The following ADIPOQ variants were observed in gnomAD, a reference collection of about 807,000 sequenced individuals.
ADIPOQ encodes adiponectin, C1Q and collagen domain containing.
Under a neutral mutation model 16.1 loss-of-function variants are expected in ADIPOQ, and 19 were observed. The observed-to-expected ratio is 1.18, with a 90% CI of 0.82 to 1.73. ADIPOQ has a LOEUF of 1.73. Ranked by LOEUF, ADIPOQ falls within the 40% of genes most tolerant of loss-of-function variation. ADIPOQ has a pLI of 0.00. For synonymous variants in ADIPOQ, 124 were observed against 125.5 expected, an observed-to-expected ratio of 0.99 and a Z score of 0.08; for missense variants, 323 against 308.3, an observed-to-expected ratio of 1.05 and a Z score of -0.36.
chr3:186,853,450 C>A (rs1348902188), intron 2 of ADIPOQ, among the ~76,000 whole-genome samples, 178 bp downstream of exon 2: 2 of 151,778 alleles, frequency 1.3e-5, no homozygotes, highest in African/African-American at 4.8e-5. Flanking sequence ...TAGATGGTGC[C>A]TCTATAACCA....
rs112364437 is a variant in ADIPOQ at position 186,844,046 on chromosome 3, G to A, written c.-9+1297G>A. On this transcript the variant is annotated intron_variant, in intron 1 of 2. Coordinates refer to ENST00000320741, the MANE Select transcript of ADIPOQ (RefSeq NM_004797.4). ...AAGGAAGGCCAGCTCTGCCTAATTC[G>A]GTTGGGGAGATGGGGGTCCCTTTAT... is the stretch of plus-strand genomic sequence containing the variant. Among the ~76,000 whole-genome samples, 13 of 152,306 alleles carry A rather than the reference G, an allele frequency of 8.5e-5. 1 individual carries two copies. Among genetic ancestry groups the A allele is most frequent in the African/African-American group, 2.6e-4 (11 of 41,562 alleles).
rs1711857007 is a variant in ADIPOQ, at chr3:186,853,270, C to T, written c.212C>T (p.Pro71Leu). The change falls in exon 2 of 3, where the codon CCA (proline) becomes CTA (leucine). Residue 71 changes from proline to leucine, a missense_variant and splice_region_variant. Physicochemically the swap from Pro to Leu is moderately conservative, Grantham distance 98. Transcript: ENST00000320741. ...TPGEKGEKGD[P>L]GLIGPKGDIG... ...GGTGAGAAGGGTGAGAAAGGAGATC[C>T]AGGTAAGAATGTTTCTGGCCTCTTT... is the stretch of plus-strand genomic sequence containing the variant. The T allele has an allele frequency of 1.3e-6, 2 of 1,593,966 alleles. No individual in the cohort carries two copies. Among genetic ancestry groups the T allele is most frequent in the Non-Finnish European group, 8.5e-7 (1 of 1,169,870 alleles).
At chr3:186,846,602 C>G (rs1163426052) in intron 1 of ADIPOQ, among the ~76,000 whole-genome samples, 1 of 152,038 alleles carries the variant, frequency 6.6e-6, no homozygotes, top group East Asian at 1.9e-4. Flanking sequence ...CTCTTTCCCC[C>G]ACACGGCTCT....
chr3:186,844,703 C>G (rs1217761755), intron 1 of ADIPOQ, among the ~76,000 whole-genome samples: 2 of 151,892 alleles, frequency 1.3e-5, no homozygotes, highest in Non-Finnish European at 2.9e-5. Flanking sequence ...GCAACCATGC[C>G]TGGCTAATTT....
chr3:186,843,081 G>A (rs754590990), intron 1 of ADIPOQ, among the ~76,000 whole-genome samples: 7 of 152,178 alleles, frequency 4.6e-5, no homozygotes, highest in African/African-American at 7.2e-5. Flanking sequence ...AGTCCAATTC[G>A]ATTAAGGGGG....
chr3:186,853,039 T>G lies in ADIPOQ; in HGVS notation c.-8-12T>G, dbSNP rs199668131. The G allele has an allele frequency of 1.8e-4, 288 of 1,614,130 alleles. No homozygotes were observed. The East Asian group carries it at 2.8e-3, about 16-fold the overall frequency. ...GTCTCTCCATGGCTGACAGTGCACA[T>G]GTGGATTCCAGGGCTCAGGATGCTG... On this transcript the variant is annotated splice_polypyrimidine_tract_variant and intron_variant, in intron 1 of 2. Coordinates refer to ENST00000320741, the MANE Select transcript of ADIPOQ (RefSeq NM_004797.4).
chr3:186,853,035 C>T lies in ADIPOQ; in HGVS notation c.-8-16C>T, dbSNP rs774493377. The T allele has an allele frequency of 6.2e-7, 1 of 1,613,778 alleles. No individual in the cohort carries two copies. Among genetic ancestry groups the T allele is most frequent in the Non-Finnish European group, 8.5e-7 (1 of 1,179,700 alleles). ...GTCTGTCTCTCCATGGCTGACAGTG[C>T]ACATGTGGATTCCAGGGCTCAGGAT... On this transcript the variant is annotated splice_polypyrimidine_tract_variant and intron_variant, in intron 1 of 2. Coordinates refer to ENST00000320741, the MANE Select transcript of ADIPOQ (RefSeq NM_004797.4).
rs1353184451 is a variant in ADIPOQ, at chr3:186,856,933, G to C, written c.*2229G>C. 1 of 152,202 alleles carries C rather than the reference G, an allele frequency of 6.6e-6. No homozygotes were observed. The highest frequency in any genetic ancestry group is 2.4e-5 in the African/African-American group (1 of 41,448). 9.4% of individuals were successfully genotyped at this position (152,202 alleles called of 1,614,324 possible). On this transcript the variant is annotated 3_prime_UTR_variant, in exon 3 of 3. Coordinates refer to ENST00000320741, the MANE Select transcript of ADIPOQ (RefSeq NM_004797.4). ...GTTGTTCTGTCTTTAGATAAGGTTT[G>C]AACCAAAGCTCAAAACAATCAAGAC...
chr3:186,854,033 C>T (rs549536676), intron 2 of ADIPOQ, 151 bp from the exon 3 acceptor site: 3 of 751,152 alleles, frequency 4.0e-6, no homozygotes, highest in South Asian at 4.0e-5. Flanking sequence ...GAGGAGGTAA[C>T]ACCTCTCTCC....
Position 186,853,176 on chromosome 3 carries a change from A to G in ADIPOQ, c.118A>G (p.Met40Val). 6.2e-7 allele frequency: 1 copy of G among 1,614,126 alleles called. No individual in the cohort carries two copies. The change falls in exon 2 of 3, where the codon ATG becomes GTG. Residue 40 changes from methionine (M) to valine (V), a missense_variant. Coordinates refer to ENST00000320741, the MANE Select transcript of ADIPOQ (RefSeq NM_004797.4). ...GCCCAAGGGGGCCTGCACAGGTTGG[A>G]TGGCGGGCATCCCAGGGCATCCGGG... ...PLPKGACTGW[M>V]AGIPGHPGHN...
At chr3:186,853,991 G>T (rs1711883696) in intron 2 of ADIPOQ, 193 bp from the exon 3 acceptor site, 2 of 600,730 alleles carry the variant, frequency 3.3e-6, no homozygotes, top group Non-Finnish European at 5.8e-6. Flanking sequence ...TTGAAATTAT[G>T]GGAGCCTCCA....
chr3:186,852,742 G>T lies in ADIPOQ; in HGVS notation c.-8-309G>T, dbSNP rs1293549897. The T allele has an allele frequency of 2.2e-5, 7 of 324,634 alleles. No individual in the cohort carries two copies. The East Asian group carries it at 4.0e-4, about 19-fold the overall frequency. 20.1% of individuals were successfully genotyped at this position (324,634 alleles called of 1,614,324 possible). ...CAAGTCGACTCTTGGAGCTTTCCCT[G>T]TGCTTGGTCCTGTGCTCAGACATGG... is the stretch of plus-strand genomic sequence containing the variant. On this transcript the variant is annotated intron_variant, in intron 1 of 2. Coordinates refer to ENST00000320741, the MANE Select transcript of ADIPOQ (RefSeq NM_004797.4).
In ADIPOQ at chr3:186,855,607, A is replaced by G. The variant is rs1227377299; in HGVS notation, c.*903A>G. 2 of 151,894 alleles carry G rather than the reference A, an allele frequency of 1.3e-5. No homozygotes were observed. The highest frequency in any genetic ancestry group is 2.9e-5 in the Non-Finnish European group (2 of 68,018). 9.4% of individuals were successfully genotyped at this position (151,894 alleles called of 1,614,324 possible). A position where few individuals can be genotyped will look rare whatever the true frequency, so the allele number is the denominator to read the frequency against. The stretch of plus-strand genomic sequence containing the variant: ...GTAGCTGAGACTTCAGGTGCATTCC[A>G]CCACACATGGCTAATTTTTGTATTT... On this transcript the variant is annotated 3_prime_UTR_variant, in exon 3 of 3. Coordinates refer to ENST00000320741, the MANE Select transcript of ADIPOQ (RefSeq NM_004797.4).
At chr3:186,848,432 G>C (rs1711644673) in intron 1 of ADIPOQ, among the ~76,000 whole-genome samples, 1 of 152,072 alleles carries the variant, frequency 6.6e-6, no homozygotes, top group African/African-American at 2.4e-5. Flanking sequence ...GAAACTGAGA[G>C]ATTAAGGAAA....
rs1711905903 is a variant in ADIPOQ, at chr3:186,854,329, G to T, written c.360G>T (p.Glu120Asp). 4 of 1,614,108 alleles carry T rather than the reference G, an allele frequency of 2.5e-6. No homozygotes were observed. The Admixed American group carries it at 6.7e-5, about 27-fold the overall frequency. ...VYRSAFSVGL[E>D]TYVTIPNMPI... is the part of the protein sequence containing the mutation. ...GCTCAGCATTCAGTGTGGGATTGGA[G>T]ACTTACGTTACTATCCCCAACATGC... is the stretch of plus-strand genomic sequence containing the variant. The change falls in exon 3 of 3, where the codon GAG becomes GAT. Residue 120 changes from glutamate (E) to aspartate (D), a missense_variant. Physicochemically the swap from Glu to Asp is conservative, Grantham distance 45. Coordinates refer to ENST00000320741, the MANE Select transcript of ADIPOQ (RefSeq NM_004797.4).
At chr3:186,852,552 A>G (rs1004521997) in intron 1 of ADIPOQ, 1 of 165,416 alleles carries the variant, frequency 6.0e-6, no homozygotes, top group Non-Finnish European at 1.3e-5. Flanking sequence ...GGAGAGGGGT[A>G]GAGGAAGAAA....
intron 2 of ADIPOQ, 76 bp from the exon 3 acceptor site, chr3:186,854,108 G>T: frequency 6.7e-7 from 1 of 1,502,662 alleles, no homozygotes; most frequent in Non-Finnish European, 9.0e-7. Context: ...GAGCCACAGG[G>T]ATGGTAATTT....
In ADIPOQ at chr3:186,854,739, AG is replaced by A. The variant is rs548289893; in HGVS notation, c.*36del. The A allele has an allele frequency of 2.7e-4, 432 of 1,612,052 alleles. 1 individual carries two copies. In the African/African-American group the frequency reaches 5.0e-3, roughly 19 times the overall value. The stretch of plus-strand genomic sequence containing the variant: ...ACTCAGAGCCTCCTCCAGGCCAAAC[AG>A]CCCCAAAGTCAATTAAAGGCTTTCA... On this transcript the variant is annotated 3_prime_UTR_variant, in exon 3 of 3. Coordinates refer to ENST00000320741, the MANE Select transcript of ADIPOQ (RefSeq NM_004797.4).
At chr3:186,847,247 T>G (rs909747356) in intron 1 of ADIPOQ, among the ~76,000 whole-genome samples, 2 of 152,356 alleles carry the variant, frequency 1.3e-5, no homozygotes, top group East Asian at 3.9e-4. Flanking sequence ...GAGCCCGTGC[T>G]CCCTATTCTA....
Sources: gnomAD v4.1 joint callset for allele counts (sites outside exome capture counted in the v4.1 genomes callset) on GRCh38, gnomAD v4.1.1 for gene constraint, MANE v1.5 for transcripts, NCBI Gene and HGNC (gene_info 2026-07-23, HGNC 2026-07-21) for gene names.